CACNA1E: variants seen among roughly 807,000 people sequenced by gnomAD.
CACNA1E encodes the protein calcium voltage-gated channel subunit alpha1 E.
In CACNA1E, 40 loss-of-function variants were observed where a neutral mutation model predicts 259.2. That is an observed-to-expected ratio of 0.15 (90% confidence interval 0.12 to 0.20). CACNA1E has a LOEUF of 0.20. Among genes scored for constraint, CACNA1E ranks in the 10% least tolerant of loss-of-function variants. CACNA1E has a pLI of 1.00. For missense variants in CACNA1E, 1,874 were observed against 3,040.1 expected (o/e 0.62, Z 9.02); for synonymous variants, 1,104 against 1,138.5 (o/e 0.97, Z 0.61).
chr1:181,671,055 A>G (rs1648743899), intron 7 of CACNA1E, among the ~76,000 whole-genome samples: 1 of 152,248 alleles, frequency 6.6e-6, no homozygotes, highest in South Asian at 2.1e-4. Context: ...TATTATTGAG[A>G]CACGGTCTTG....
At chr1:181,440,272 C>G (rs1571879195) in intron 2 of CACNA1E, among the ~76,000 whole-genome samples, 1 of 152,322 alleles carries the variant, frequency 6.6e-6, no homozygotes, top group East Asian at 1.9e-4. Context: ...ACTTTCCCAT[C>G]CCTGGGAGTA....
chr1:181,654,941 C>T (rs1298356271), intron 7 of CACNA1E, among the ~76,000 whole-genome samples: 2 of 145,666 alleles, frequency 1.4e-5, no homozygotes, highest in Non-Finnish European at 1.5e-5. Flanking sequence ...GCCAAGATCA[C>T]GCCACTGCAC....
chr1:181,486,633 C>T (rs1161928452), intron 1 of CACNA1E, among the ~76,000 whole-genome samples: 3 of 152,152 alleles, frequency 2.0e-5, no homozygotes, highest in African/African-American at 7.2e-5. Flanking sequence ...AAAATTACTT[C>T]ATTACTCTGT....
At chr1:181,560,032 T>G (rs997646184) in intron 3 of CACNA1E, among the ~76,000 whole-genome samples, 3 of 152,304 alleles carry the variant, frequency 2.0e-5, no homozygotes, top group African/African-American at 7.2e-5. Context: ...AGAGCTATTT[T>G]TTTTTTCTGT....
chr1:181,371,804 G>A (rs1214889308), intron 1 of CACNA1E, among the ~76,000 whole-genome samples: 2 of 152,168 alleles, frequency 1.3e-5, no homozygotes, highest in Admixed American at 6.5e-5. Flanking sequence ...TTCTGCATAT[G>A]GCTAGCCATT....
intron 1 of CACNA1E, among the ~76,000 whole-genome samples, chr1:181,339,833 A>G (rs1350693332): frequency 6.6e-6 from 1 of 152,118 alleles, no homozygotes; most frequent in Non-Finnish European, 1.5e-5. Context: ...TTTGTAGACT[A>G]TTTTGTATAT....
intron 1 of CACNA1E, among the ~76,000 whole-genome samples, chr1:181,392,572 G>A (rs1045654357): frequency 2.0e-5 from 3 of 152,172 alleles, no homozygotes; most frequent in Admixed American, 6.5e-5. Context: ...GGAACACAGC[G>A]GATGCCTGAC....
chr1:181,416,330 T>C (rs112542007), intron 2 of CACNA1E, among the ~76,000 whole-genome samples: 74 of 152,380 alleles, frequency 4.9e-4, no homozygotes, highest in African/African-American at 1.7e-3. Context: ...CTGCAAGTTG[T>C]TTCTTTTCTT....
intron 2 of CACNA1E, among the ~76,000 whole-genome samples, chr1:181,414,250 C>T (rs1462379277): frequency 2.0e-5 from 3 of 152,178 alleles, no homozygotes; most frequent in African/African-American, 7.2e-5. Flanking sequence ...CCTGTGGATG[C>T]CGGAGTTTAC....
In CACNA1E at chr1:181,719,733, C is replaced by T. The variant is rs1462097104; in HGVS notation, c.1639-18C>T. ...CCTCTTCCTCCTCCTCTCACTGTGG[C>T]TGGCATTGCCTCTCTAGGTCACAGT... On this transcript the variant is annotated intron_variant, in intron 12 of 47. Transcript: ENST00000367573. 5 of 1,418,714 alleles carry T rather than the reference C, an allele frequency of 3.5e-6. No individual in the cohort carries two copies. Among genetic ancestry groups the T allele is most frequent in the Non-Finnish European group, 4.9e-6 (5 of 1,019,564 alleles). 87.9% of individuals were successfully genotyped at this position (1,418,714 alleles called of 1,614,324 possible).
At position 181,630,245 on chromosome 1, in the gene CACNA1E, C is replaced by T. The variant is rs552416248; in HGVS notation, c.952-21093C>T. Among the ~76,000 whole-genome samples, 379 of 152,174 alleles carry T rather than the reference C, an allele frequency of 2.5e-3. 2 individuals carry two copies. The highest frequency in any genetic ancestry group is 8.7e-3 in the African/African-American group (362 of 41,498). ...CCTAGAAATTAAGAACAGATTAGTACACTTTTTCTGCTACTGTCTTGCCAT... is the reference window on the plus strand; with the variant it reads ...CCTAGAAATTAAGAACAGATTAGTATACTTTTTCTGCTACTGTCTTGCCAT... On this transcript the variant is annotated intron_variant, in intron 6 of 47. Transcript: ENST00000367573.
At chr1:181,785,231 A>G in intron 41 of CACNA1E, 87 bp from the exon 42 acceptor site, 1 of 787,844 alleles carries the variant, frequency 1.3e-6, no homozygotes. Context: ...GACCTGTTCC[A>G]GAGAGTGGGT....
chr1:181,480,013 G>A (rs893960697), upstream of CACNA1E, among the ~76,000 whole-genome samples: 5 of 152,194 alleles, frequency 3.3e-5, no homozygotes, highest in African/African-American at 1.2e-4. Context: ...CCACTGGCGG[G>A]GCGCAATGGC....
intron 6 of CACNA1E, among the ~76,000 whole-genome samples, chr1:181,632,604 ATTTG>A (rs1263289591): frequency 6.6e-6 from 1 of 152,146 alleles, no homozygotes; most frequent in African/African-American, 2.4e-5. Flanking sequence ...TCCTGATGTG[ATTTG>A]TTTGGCCCAG....
At chr1:181,422,378 G>A (rs1038201740) in intron 2 of CACNA1E, among the ~76,000 whole-genome samples, 13 of 152,124 alleles carry the variant, frequency 8.5e-5, no homozygotes, top group Non-Finnish European at 1.8e-4. Flanking sequence ...TTATAGTTAC[G>A]ATCTATGTGT....
intron 7 of CACNA1E, among the ~76,000 whole-genome samples, chr1:181,681,156 C>G (rs774457873): frequency 2.2e-4 from 33 of 152,198 alleles, no homozygotes; most frequent in Non-Finnish European, 4.4e-4. Context: ...TCTCTGGGTT[C>G]TGGGTGGTTC....
chr1:181,323,470 T>G (rs536826479), intron 1 of CACNA1E, among the ~76,000 whole-genome samples: 1 of 152,310 alleles, frequency 6.6e-6, no homozygotes, highest in South Asian at 2.1e-4. Context: ...AATGGCCACT[T>G]GAGGCCCCTT....
chr1:181,563,282 T>G (rs924633885), intron 3 of CACNA1E, among the ~76,000 whole-genome samples: 2 of 152,210 alleles, frequency 1.3e-5, no homozygotes, highest in Non-Finnish European at 2.9e-5. Context: ...TCAGGCATCA[T>G]AGGCAGAACT....
chr1:181,612,657 A>G (rs2103116844), intron 6 of CACNA1E, among the ~76,000 whole-genome samples: 1 of 152,264 alleles, frequency 6.6e-6, no homozygotes, highest in East Asian at 1.9e-4. Flanking sequence ...GTTTTCTTTA[A>G]GGCAGCTGGG....
Sources: allele counts gnomAD v4.1 joint callset (sites outside exome capture counted in the v4.1 genomes callset), GRCh38; gene constraint gnomAD v4.1.1; transcripts MANE v1.5; gene names NCBI Gene and HGNC (gene_info 2026-07-23, HGNC 2026-07-21).